F13A1: variants seen among roughly 807,000 people sequenced by gnomAD.
The protein encoded by F13A1 is coagulation factor XIII A chain.
Under a neutral mutation model 80.1 loss-of-function variants are expected in F13A1, and 47 were observed. The ratio of observed to expected loss-of-function variants is 0.59; its 90% CI spans 0.46 to 0.75. The LOEUF is 0.75. F13A1 is among the 30% of genes least tolerant of loss of function. The pLI, the probability that F13A1 is intolerant of heterozygous loss-of-function variation, is 0.00. For synonymous variants in F13A1, 349 were observed against 344.9 expected, an observed-to-expected ratio of 1.01 and a Z score of -0.13; for missense variants, 817 against 930.4, an observed-to-expected ratio of 0.88 and a Z score of 1.59.
At chr6:6,265,313 G>A (rs560328522) in intron 4 of F13A1, among the ~76,000 whole-genome samples, 5 of 152,240 alleles carry the variant, frequency 3.3e-5, no homozygotes, top group African/African-American at 7.2e-5. Context: ...ATGGGGTAGG[G>A]TGCCATGGGA....
intron 3 of F13A1, among the ~76,000 whole-genome samples, chr6:6,292,273 C>G (rs1386299188): frequency 6.6e-6 from 1 of 152,180 alleles, no homozygotes; most frequent in Non-Finnish European, 1.5e-5. Flanking sequence ...CTCTGGAATT[C>G]CAGGCATTCT....
intron 11 of F13A1, 41 bp downstream of exon 11, chr6:6,181,947 G>C (rs369967044): frequency 6.2e-7 from 1 of 1,609,990 alleles, no homozygotes; most frequent in African/African-American, 1.3e-5. Context: ...GTACTCAATG[G>C]ACTTGGGCAA....
intron 6 of F13A1, among the ~76,000 whole-genome samples, chr6:6,237,677 C>A (rs1397187773): frequency 6.6e-6 from 1 of 152,174 alleles, no homozygotes; most frequent in South Asian, 2.1e-4. Flanking sequence ...TCACATAGTA[C>A]TCTTTGCATA....
intron 12 of F13A1, 149 bp from the exon 13 acceptor site, chr6:6,167,767 A>G (rs746283829): frequency 2.5e-5 from 20 of 812,156 alleles, no homozygotes; most frequent in African/African-American, 1.5e-4. Context: ...CAAAGAGTCA[A>G]TTGGGGATAA....
rs1359382860 is a variant in F13A1 at position 6,243,267 on chromosome 6, A to T, written c.798+5045T>A. Among the ~76,000 whole-genome samples the T allele has an allele frequency of 6.6e-6, 1 of 151,064 alleles. No individual in the cohort carries two copies. The highest frequency in any genetic ancestry group is 1.9e-4 in the East Asian group (1 of 5,154). On this transcript the variant is annotated intron_variant, in intron 6 of 14. Coordinates refer to ENST00000264870, the MANE Select transcript of F13A1 (RefSeq NM_000129.4). The surrounding 1 kb of genome is among the most constrained non-coding windows in gnomAD (Gnocchi z 4.2). ...CACCACCATCACCATCATCATCACT[A>T]TCACCACCATAATCACCCTACCATC...
At chr6:6,310,951 C>T (rs1758581318) in intron 2 of F13A1, among the ~76,000 whole-genome samples, 1 of 152,102 alleles carries the variant, frequency 6.6e-6, no homozygotes, top group Admixed American at 6.5e-5. Context: ...ATTTTATACT[C>T]CTTATCTTCT....
At position 6,250,212 on chromosome 6, in the gene F13A1, AT is replaced by A. The variant is rs1461594285; in HGVS notation, c.690+598del. On this transcript the variant is annotated intron_variant, in intron 5 of 14. Transcript: ENST00000264870. The surrounding 1 kb of genome is among the most constrained non-coding windows in gnomAD (Gnocchi z 4.2). ...ATTTATGGAAAATTGGTAAAATATCATTCATTTGCTCCATTGTTAAAGATAC... is the reference window on the plus strand; with the variant it reads ...ATTTATGGAAAATTGGTAAAATATCATCATTTGCTCCATTGTTAAAGATAC... Among the ~76,000 whole-genome samples the A allele has an allele frequency of 6.6e-6, 1 of 152,216 alleles. No homozygotes were observed. The highest frequency in any genetic ancestry group is 2.4e-5 in the African/African-American group (1 of 41,452).
intron 3 of F13A1, among the ~76,000 whole-genome samples, chr6:6,292,535 G>T (rs969313568): frequency 6.6e-6 from 1 of 152,174 alleles, no homozygotes; most frequent in Non-Finnish European, 1.5e-5. Context: ...ATTCCCTGAA[G>T]TGGGCCAGAG....
intron 11 of F13A1, among the ~76,000 whole-genome samples, chr6:6,177,830 G>A (rs1433699383): frequency 6.6e-6 from 1 of 152,184 alleles, no homozygotes; most frequent in Non-Finnish European, 1.5e-5. Flanking sequence ...GAAAGGAAGG[G>A]GCATGGGAGG....
At chr6:6,298,044 G>T (rs1335658838) in intron 3 of F13A1, among the ~76,000 whole-genome samples, 1 of 151,130 alleles carries the variant, frequency 6.6e-6, no homozygotes, top group Admixed American at 6.6e-5. Context: ...CAGTTTCCAT[G>T]TAGTTGAGCC....
At chr6:6,264,286 C>A (rs1408538715) in intron 4 of F13A1, among the ~76,000 whole-genome samples, 2 of 152,186 alleles carry the variant, frequency 1.3e-5, no homozygotes, top group South Asian at 2.1e-4. Flanking sequence ...AGAAAAGTTG[C>A]AAACAAACCA....
intron 8 of F13A1, among the ~76,000 whole-genome samples, chr6:6,212,045 C>T (rs186986823): frequency 0.014 from 2,196 of 152,370 alleles, 28 homozygotes; most frequent in Non-Finnish European, 0.023. Context: ...CGGAGTCTCG[C>T]TGATTGCTAG....
chr6:6,307,649 C>T lies in F13A1; in HGVS notation c.131-2110G>A, dbSNP rs185013254. 3.6e-3 allele frequency among the ~76,000 whole-genome samples: 555 copies of T among 152,278 alleles called. 8 individuals carry two copies. Among genetic ancestry groups the T allele is most frequent in the African/African-American group, 0.012 (497 of 41,546 alleles). Reference sequence around the variant, plus strand: ...CAATGGAAGGAATATACTGATATTACATCCTTACAGAATCTCACAGAACAG... The same window carrying T: ...CAATGGAAGGAATATACTGATATTATATCCTTACAGAATCTCACAGAACAG... On this transcript the variant is annotated intron_variant, in intron 2 of 14. Transcript: ENST00000264870.
chr6:6,197,412 G>A (rs1050797786), intron 8 of F13A1, 86 bp from the exon 9 acceptor site: 2 of 1,281,042 alleles, frequency 1.6e-6, no homozygotes, highest in Admixed American at 1.8e-5. Context: ...AGGCACAGTG[G>A]CTCATGCCTG....
At chr6:6,277,976 G>T (rs1758011042) in intron 3 of F13A1, among the ~76,000 whole-genome samples, 1 of 152,164 alleles carries the variant, frequency 6.6e-6, no homozygotes, top group South Asian at 2.1e-4. Context: ...CTCTGCCAGA[G>T]GCTGTGCTTC....
chr6:6,211,950 CA>C (rs1230340010), intron 8 of F13A1, among the ~76,000 whole-genome samples: 1 of 152,240 alleles, frequency 6.6e-6, no homozygotes, highest in African/African-American at 2.4e-5. Flanking sequence ...CACTCCCACC[CA>C]AATACTGCGC....
At chr6:6,146,522 T>C (rs2151066856) in intron 14 of F13A1, among the ~76,000 whole-genome samples, 1 of 152,334 alleles carries the variant, frequency 6.6e-6, no homozygotes, top group African/African-American at 2.4e-5. Flanking sequence ...CAGTGCAGAC[T>C]GAGACTAATC....
At chr6:6,315,051 G>A (rs554179126) in intron 2 of F13A1, among the ~76,000 whole-genome samples, 75 of 152,304 alleles carry the variant, frequency 4.9e-4, no homozygotes, top group African/African-American at 1.7e-3. Flanking sequence ...ATAGGGCCAG[G>A]CTTGCTTTCC....
chr6:6,220,500 A>T (rs965324762), intron 8 of F13A1, among the ~76,000 whole-genome samples: 1 of 151,970 alleles, frequency 6.6e-6, no homozygotes, highest in Non-Finnish European at 1.5e-5. Context: ...TGAATCAAGG[A>T]GCTGGGAAAG....
Sources: gnomAD v4.1 joint callset for allele counts (sites outside exome capture counted in the v4.1 genomes callset) on GRCh38, gnomAD v4.1.1 for gene constraint, Gnocchi (gnomAD v3.1) non-coding constraint, MANE v1.5 for transcripts, NCBI Gene and HGNC (gene_info 2026-07-23, HGNC 2026-07-21) for gene names.